Variants in TMEM72 observed in about 807,000 individuals in gnomAD.
TMEM72 encodes transmembrane protein 72.
A neutral mutation model predicts 16.3 loss-of-function variants in TMEM72; 9 were observed. The ratio of observed to expected loss-of-function variants is 0.55; its 90% CI spans 0.33 to 0.96. TMEM72 has a LOEUF of 0.96. TMEM72 is among the 40% of genes least tolerant of loss of function. The pLI, the probability that TMEM72 is intolerant of heterozygous loss-of-function variation, is 0.03. For missense variants in TMEM72, 324 were observed against 337.8 expected (o/e 0.96, Z 0.32); for synonymous variants, 160 against 146.5 (o/e 1.09, Z -0.66).
rs11239280 is a variant in TMEM72 at position 44,921,840 on chromosome 10, C to G, written c.71-6081C>G. Among the ~76,000 whole-genome samples, 1,034 of 152,314 alleles carry G rather than the reference C, an allele frequency of 6.8e-3. 24 individuals carry two copies. In the East Asian group the frequency reaches 0.08, roughly 12 times the overall value. ...CCAGAGCTACCACTCTCAGGGCCCA[C>G]GAAGGGCCTACACTGCGCCTGAGGG... On this transcript the variant is annotated intron_variant, in intron 1 of 4. Coordinates refer to ENST00000389583, the MANE Select transcript of TMEM72 (RefSeq NM_001123376.3).
At chr10:44,917,160 G>A (rs117739381) in intron 1 of TMEM72, among the ~76,000 whole-genome samples, 2,851 of 152,258 alleles carry the variant, frequency 0.019, 39 homozygotes, top group Non-Finnish European at 0.026. Context: ...GCACTGCAGC[G>A]TAGTGTTTGG....
chr10:44,930,951 A>T (rs968008563), intron 2 of TMEM72, among the ~76,000 whole-genome samples: 1 of 152,228 alleles, frequency 6.6e-6, no homozygotes, highest in Non-Finnish European at 1.5e-5. Context: ...CTTCTGCACA[A>T]CACTATCCAC....
In TMEM72 at chr10:44,935,204, AG is replaced by A. The variant is rs1840380737; in HGVS notation, c.*73del. On this transcript the variant is annotated 3_prime_UTR_variant, in exon 5 of 5. Transcript: ENST00000389583. ...GCTCAATGGCCCTCCCTGGAGTTTC[AG>A]GGTCTTCTCTGGTCAGCTTTTCAAG... is the stretch of plus-strand genomic sequence containing the variant. 1 of 1,450,648 alleles carries A rather than the reference AG, an allele frequency of 6.9e-7. No homozygotes were observed. Among genetic ancestry groups the A allele is most frequent in the African/African-American group, 1.4e-5 (1 of 70,164 alleles). The allele number at this position is 1,450,648 out of a possible 1,614,324, so 89.9% of individuals were successfully genotyped here. A position where few individuals can be genotyped will look rare whatever the true frequency, so the allele number is the denominator to read the frequency against.
intron 1 of TMEM72, among the ~76,000 whole-genome samples, chr10:44,922,919 C>T (rs1840124636): frequency 6.6e-6 from 1 of 152,232 alleles, no homozygotes; most frequent in Non-Finnish European, 1.5e-5. Flanking sequence ...TGCCAAAAAC[C>T]TCAGGTGGCT....
intron 1 of TMEM72, among the ~76,000 whole-genome samples, chr10:44,915,881 C>G (rs952366963): frequency 6.6e-6 from 1 of 152,108 alleles, no homozygotes; most frequent in Non-Finnish European, 1.5e-5. Flanking sequence ...TGGGGACAGA[C>G]AAATCTGCAC....
chr10:44,924,121 G>A (rs529916530), intron 1 of TMEM72, among the ~76,000 whole-genome samples: 2 of 152,280 alleles, frequency 1.3e-5, no homozygotes, highest in East Asian at 1.9e-4. Flanking sequence ...TTCTGCTCAC[G>A]CTGCAGAGCC....
rs1030086713 is a variant in TMEM72, at chr10:44,932,106, C to T, written c.209+37C>T. 6 of 1,597,020 alleles carry T rather than the reference C, an allele frequency of 3.8e-6. No homozygotes were observed. The African/African-American group carries it at 4.0e-5, about 11-fold the overall frequency. ...CCAGAGAGACCCCTCCATTGTCCAC[C>T]CCAGCCCCAGACACCACAGATGTCT... On this transcript the variant is annotated intron_variant, in intron 3 of 4. Transcript: ENST00000389583.
intron 1 of TMEM72, among the ~76,000 whole-genome samples, chr10:44,915,194 T>C (rs901056740): frequency 2.6e-5 from 4 of 152,216 alleles, no homozygotes. Context: ...AGGCTCCAGC[T>C]TGAGGCCCCA....
intron 1 of TMEM72, among the ~76,000 whole-genome samples, chr10:44,917,314 A>G (rs1262134272): frequency 1.3e-5 from 2 of 152,196 alleles, no homozygotes; most frequent in Non-Finnish European, 2.9e-5. Context: ...CGTGCAGGGC[A>G]TGGAACTGTG....
chr10:44,920,440 G>C (rs571550235), intron 1 of TMEM72, among the ~76,000 whole-genome samples: 10 of 152,350 alleles, frequency 6.6e-5, no homozygotes, highest in African/African-American at 2.2e-4. Flanking sequence ...ATGCTGGCCT[G>C]AGCCCCGTGG....
intron 4 of TMEM72, 115 bp downstream of exon 4, chr10:44,933,891 A>G (rs1292243594): frequency 7.5e-7 from 1 of 1,326,322 alleles, no homozygotes; most frequent in Non-Finnish European, 1.0e-6. Context: ...TACCTGCCCC[A>G]CTGCCCTCTC....
intron 3 of TMEM72, among the ~76,000 whole-genome samples, chr10:44,932,611 G>C (rs1025674323): frequency 6.6e-6 from 1 of 152,212 alleles, no homozygotes; most frequent in African/African-American, 2.4e-5. Flanking sequence ...TGAGACCGAG[G>C]ACTGCGGCTC....
chr10:44,922,106 G>A (rs929483586), intron 1 of TMEM72, among the ~76,000 whole-genome samples: 2 of 152,104 alleles, frequency 1.3e-5, no homozygotes, highest in Non-Finnish European at 2.9e-5. Context: ...TAGTTATCCG[G>A]GTGCCATAAC....
At chr10:44,913,874 A>C (rs1169760754) in intron 1 of TMEM72, among the ~76,000 whole-genome samples, 1 of 152,224 alleles carries the variant, frequency 6.6e-6, no homozygotes, top group Non-Finnish European at 1.5e-5. Context: ...TAAGACCGGA[A>C]ATAGAGGGCC....
chr10:44,927,591 G>A (rs2132723443), intron 1 of TMEM72, among the ~76,000 whole-genome samples: 1 of 152,356 alleles, frequency 6.6e-6, no homozygotes, highest in Non-Finnish European at 1.5e-5. Flanking sequence ...ACTGGGGTGG[G>A]CCCCAGCACA....
At chr10:44,919,226 C>T (rs1056467092) in intron 1 of TMEM72, among the ~76,000 whole-genome samples, 6 of 152,204 alleles carry the variant, frequency 3.9e-5, no homozygotes, top group Non-Finnish European at 8.8e-5. Context: ...CAGGTGCTTC[C>T]TCCTAAGATT....
At chr10:44,919,714 T>G (rs1346647626) in intron 1 of TMEM72, among the ~76,000 whole-genome samples, 1 of 152,192 alleles carries the variant, frequency 6.6e-6, no homozygotes, top group Non-Finnish European at 1.5e-5. Flanking sequence ...TCCCCCAAAT[T>G]GCTATACAGT....
chr10:44,930,561 G>T (rs760630751), intron 2 of TMEM72, among the ~76,000 whole-genome samples: 4 of 152,102 alleles, frequency 2.6e-5, no homozygotes, highest in Non-Finnish European at 5.9e-5. Context: ...GTTGATATTT[G>T]TAAGGCCTTT....
intron 2 of TMEM72, among the ~76,000 whole-genome samples, chr10:44,929,610 C>A (rs529947047): frequency 1.3e-5 from 2 of 152,364 alleles, no homozygotes; most frequent in South Asian, 2.1e-4. Flanking sequence ...GCCTCTGAGC[C>A]CATTTCCACA....
Sources: allele counts gnomAD v4.1 joint callset (sites outside exome capture counted in the v4.1 genomes callset), GRCh38; gene constraint gnomAD v4.1.1; transcripts MANE v1.5; gene names NCBI Gene and HGNC (gene_info 2026-07-23, HGNC 2026-07-21).